NCR1: variants seen among roughly 807,000 people sequenced by gnomAD.
NCR1 encodes the protein NK cell-activating receptor.
A neutral mutation model predicts 32.5 loss-of-function variants in NCR1; 30 were observed. That is an observed-to-expected ratio of 0.92 (90% CI 0.69 to 1.25). The LOEUF (loss-of-function observed/expected upper bound fraction) is 1.25. Among genes scored for constraint, NCR1 ranks in the 50% most tolerant of loss-of-function variants. NCR1 has a pLI of 0.00. For missense variants in NCR1, 369 were observed against 380.7 expected, an observed-to-expected ratio of 0.97 and a Z score of 0.26; for synonymous variants, 169 against 143.4, an observed-to-expected ratio of 1.18 and a Z score of -1.28.
At chr19:54,915,335 A>G (rs2068111260), downstream of NCR1, among the ~76,000 whole-genome samples, 1 of 152,098 alleles carries the variant, frequency 6.6e-6, no homozygotes, top group Non-Finnish European at 1.5e-5. Context: ...CCTCCCTGAG[A>G]ACTTCTACTT....
chr19:54,928,353 C>G, the NCR1 span, among the ~76,000 whole-genome samples: 1 of 152,130 alleles, frequency 6.6e-6, no homozygotes, highest in Non-Finnish European at 1.5e-5. Flanking sequence ...AACATATCAC[C>G]ACTGCATTCC....
At chr19:54,926,062 C>CA in the NCR1 span, among the ~76,000 whole-genome samples, 38,278 of 149,406 alleles carry the variant, frequency 0.26, 5,133 homozygotes, top group East Asian at 0.31. Flanking sequence ...GACTCCGTCT[C>CA]AAAAAAAAAT....
chr19:54,916,317 C>CTTTTTTTTTT (rs71181711), downstream of NCR1, among the ~76,000 whole-genome samples: 38 of 87,104 alleles, frequency 4.4e-4, 1 homozygote, highest in African/African-American at 1.1e-3. Context: ...GAATATTGTG[C>CTTTTTTTTTT]TTTTTTTTTT....
the NCR1 span, among the ~76,000 whole-genome samples, chr19:54,924,262 CCA>C: frequency 1.8e-4 from 28 of 152,226 alleles, no homozygotes; most frequent in Admixed American, 1.6e-3. Context: ...GCCACAGCAC[CCA>C]GTCAGAAAAG....
the NCR1 span, chr19:54,933,704 T>C: frequency 1.7e-5 from 28 of 1,614,212 alleles, 2 homozygotes; most frequent in South Asian, 3.1e-4. Flanking sequence ...AGCAAGGTCC[T>C]TGCAACTGGC....
chr19:54,898,879 A>G, the NCR1 span, among the ~76,000 whole-genome samples: 1 of 152,148 alleles, frequency 6.6e-6, no homozygotes, highest in South Asian at 2.1e-4. Context: ...ATGGAACTGT[A>G]AGCTGGACCG....
chr19:54,930,772 G>T, the NCR1 span: 56 of 940,804 alleles, frequency 6.0e-5, 1 homozygote, highest in South Asian at 6.9e-4. Context: ...CTGGAATGCA[G>T]TGCTGCACTC....
the NCR1 span, among the ~76,000 whole-genome samples, chr19:54,922,778 C>CAAAAAAAAA: frequency 1.8e-4 from 7 of 39,440 alleles, no homozygotes; most frequent in Non-Finnish European, 2.2e-4. Context: ...AACTCCGTCT[C>CAAAAAAAAA]AAAAAAAAAA....
the NCR1 span, among the ~76,000 whole-genome samples, chr19:54,900,752 G>A: frequency 2.0e-5 from 3 of 152,222 alleles, no homozygotes; most frequent in East Asian, 3.9e-4. Flanking sequence ...GTACCTTCTG[G>A]TGTTTAGAGA....
upstream of NCR1, among the ~76,000 whole-genome samples, chr19:54,901,693 C>T (rs587644570): frequency 3.3e-4 from 50 of 152,100 alleles, no homozygotes; most frequent in Middle Eastern, 6.8e-3. Flanking sequence ...GGAGGCTGGG[C>T]GTGGTGGCTC....
At chr19:54,931,884 A>G in the NCR1 span, among the ~76,000 whole-genome samples, 3 of 151,312 alleles carry the variant, frequency 2.0e-5, no homozygotes, top group South Asian at 2.1e-4. Context: ...TTCTGATTCC[A>G]TCCATTTCCA....
the NCR1 span, chr19:54,930,442 A>G: frequency 4.9e-3 from 6,156 of 1,251,676 alleles, 204 homozygotes; most frequent in African/African-American, 0.07. Flanking sequence ...AGGCTGGGGG[A>G]CAGAGCAAGA....
At chr19:54,910,152 C>G in intron 5 of NCR1, 87 bp downstream of exon 5, 1 of 1,338,764 alleles carries the variant, frequency 7.5e-7, no homozygotes, top group Non-Finnish European at 1.1e-6. Context: ...AAATATTCAT[C>G]GAGGCCAGGC....
downstream of NCR1, among the ~76,000 whole-genome samples, chr19:54,919,875 G>A (rs1012306999): frequency 6.6e-5 from 10 of 152,086 alleles, no homozygotes; most frequent in Admixed American, 2.6e-4. Flanking sequence ...GGCCCTGTCC[G>A]GGCATAACAG....
At chr19:54,903,406 G>A (rs73619948), upstream of NCR1, among the ~76,000 whole-genome samples, 1 of 133,846 alleles carries the variant, frequency 7.5e-6, no homozygotes, top group Non-Finnish European at 1.6e-5. Context: ...GTATATGTAT[G>A]TATACACGCA....
chr19:54,906,477 G>A lies in NCR1; in HGVS notation c.71-46G>A, dbSNP rs367859589. 124 of 1,599,626 alleles carry A rather than the reference G, an allele frequency of 7.8e-5. No individual in the cohort carries two copies. The Admixed American group carries it at 2.0e-3, about 25-fold the overall frequency. On this transcript the variant is annotated intron_variant, in intron 2 of 6. Transcript: ENST00000291890. ...AGCAGCTGGGTGGAGCCTAAGGTTGGGGGGAGGGGGCTCCGCTGGAACTCC... is the reference window on the plus strand; with the variant it reads ...AGCAGCTGGGTGGAGCCTAAGGTTGAGGGGAGGGGGCTCCGCTGGAACTCC...
In NCR1 at chr19:54,906,436, A is replaced by T. The variant is rs587703360; in HGVS notation, c.71-87A>T. On this transcript the variant is annotated intron_variant, in intron 2 of 6. Coordinates refer to ENST00000291890, the MANE Select transcript of NCR1 (RefSeq NM_004829.7). ...TGAGGGGACAGGGTGCTGGCTTCCC[A>T]GGAGAGCTTGGGGCCAGCAGCTGGG... 7 of 1,600,352 alleles carry T rather than the reference A, an allele frequency of 4.4e-6. No individual in the cohort carries two copies. In the South Asian group the frequency reaches 6.6e-5, roughly 15 times the overall value.
chr19:54,934,505 A>G, the NCR1 span: 3 of 1,614,110 alleles, frequency 1.9e-6, no homozygotes, highest in Non-Finnish European at 2.5e-6. The surrounding 1 kb of genome is among the most constrained non-coding windows in gnomAD (Gnocchi z 6.7). Context: ...ATCTGCAGGA[A>G]GTGTTTTGGG....
chr19:54,903,388 A>ATG (rs996589132), upstream of NCR1, among the ~76,000 whole-genome samples: 7 of 127,032 alleles, frequency 5.5e-5, no homozygotes, highest in South Asian at 2.3e-4. Context: ...GTATGTATAT[A>ATG]CATATATGTA....
Sources: gnomAD v4.1 joint callset for allele counts (sites outside exome capture counted in the v4.1 genomes callset) on GRCh38, gnomAD v4.1.1 for gene constraint, Gnocchi (gnomAD v3.1) non-coding constraint, MANE v1.5 for transcripts, NCBI Gene and HGNC (gene_info 2026-07-23, HGNC 2026-07-21) for gene names.